Variants in TMEM108 observed in about 807,000 individuals in gnomAD.
The protein encoded by TMEM108 is cancer/testis antigen 124.
In TMEM108, 12 loss-of-function variants were observed where a neutral mutation model predicts 35.1. The ratio of observed to expected loss-of-function variants is 0.34; its 90% CI spans 0.22 to 0.55. The LOEUF is 0.55. Among genes scored for constraint, TMEM108 ranks in the 20% least tolerant of loss-of-function variants. The pLI, the probability that TMEM108 is intolerant of heterozygous loss-of-function variation, is 0.89. For missense variants in TMEM108, 680 were observed against 753.3 expected, an observed-to-expected ratio of 0.90 and a Z score of 1.14; for synonymous variants, 287 against 308.6, an observed-to-expected ratio of 0.93 and a Z score of 0.73.
chr3:133,168,597 A>G (rs1400603358), intron 2 of TMEM108, among the ~76,000 whole-genome samples: 1 of 152,188 alleles, frequency 6.6e-6, no homozygotes, highest in Non-Finnish European at 1.5e-5. Context: ...AAACGGACCA[A>G]TCAGCACTCT....
At chr3:133,169,790 G>A (rs1242387240) in intron 2 of TMEM108, among the ~76,000 whole-genome samples, 1 of 152,090 alleles carries the variant, frequency 6.6e-6, no homozygotes, top group Non-Finnish European at 1.5e-5. Flanking sequence ...GGCTCTGTGG[G>A]ACTTAGAAAA....
intron 3 of TMEM108, among the ~76,000 whole-genome samples, chr3:133,249,679 A>G (rs879430246): frequency 6.6e-6 from 1 of 152,194 alleles, no homozygotes; most frequent in Non-Finnish European, 1.5e-5. Flanking sequence ...CATGGTGTAC[A>G]TGTACCACGT....
At chr3:133,137,528 C>G (rs1944581930) in intron 2 of TMEM108, among the ~76,000 whole-genome samples, 1 of 152,188 alleles carries the variant, frequency 6.6e-6, no homozygotes, top group Non-Finnish European at 1.5e-5. Context: ...GGGGCTCACT[C>G]CACGGTGCAG....
intron 2 of TMEM108, among the ~76,000 whole-genome samples, chr3:133,192,241 C>T (rs1051653153): frequency 7.9e-5 from 12 of 152,078 alleles, no homozygotes; most frequent in African/African-American, 2.9e-4. Context: ...AAGTCCATTA[C>T]CGAAATATAA....
At chr3:133,173,826 G>C (rs1945167152) in intron 2 of TMEM108, among the ~76,000 whole-genome samples, 1 of 152,168 alleles carries the variant, frequency 6.6e-6, no homozygotes, top group African/African-American at 2.4e-5. Flanking sequence ...ATCTCACTGG[G>C]GAGTGCTGGA....
chr3:133,159,027 G>T (rs1160719568), intron 2 of TMEM108, among the ~76,000 whole-genome samples: 1 of 152,202 alleles, frequency 6.6e-6, no homozygotes, highest in Non-Finnish European at 1.5e-5. Context: ...TGAATGTGAT[G>T]AATCACCCAG....
chr3:133,305,370 G>C lies in TMEM108; in HGVS notation c.41-74382G>C, dbSNP rs867515202. On this transcript the variant is annotated intron_variant, in intron 3 of 5. Coordinates refer to ENST00000321871, the MANE Select transcript of TMEM108 (RefSeq NM_023943.4). ...CACACTCTGGGGACTGTGGTGGGGTGGGGGGAGGGGGGAGGGATAGCATTG... is the reference window on the plus strand; with the variant it reads ...CACACTCTGGGGACTGTGGTGGGGTCGGGGGAGGGGGGAGGGATAGCATTG... Among the ~76,000 whole-genome samples the C allele has an allele frequency of 1.2e-4, 15 of 124,264 alleles. No homozygotes were observed. In the East Asian group the frequency reaches 2.7e-3, roughly 22 times the overall value. The allele number at this position is 124,264 out of a possible 152,430, so 81.5% of individuals were successfully genotyped here.
intron 2 of TMEM108, among the ~76,000 whole-genome samples, chr3:133,222,705 C>T (rs1465580863): frequency 6.6e-6 from 1 of 151,970 alleles, no homozygotes; most frequent in Non-Finnish European, 1.5e-5. Flanking sequence ...TTATACTTTT[C>T]AGCTCCAGAA....
intron 3 of TMEM108, among the ~76,000 whole-genome samples, chr3:133,255,902 T>C (rs1002907941): frequency 2.0e-5 from 3 of 152,140 alleles, no homozygotes; most frequent in Admixed American, 6.5e-5. Flanking sequence ...GGCAGGAGAA[T>C]TGCTTGAACC....
intron 2 of TMEM108, among the ~76,000 whole-genome samples, chr3:133,090,665 A>G (rs1476119921): frequency 1.3e-5 from 2 of 152,228 alleles, no homozygotes; most frequent in African/African-American, 4.8e-5. Flanking sequence ...GCAATCTCCC[A>G]TGCAGTCAGC....
intron 3 of TMEM108, among the ~76,000 whole-genome samples, chr3:133,272,600 G>A (rs1362996855): frequency 3.3e-5 from 5 of 152,066 alleles, no homozygotes; most frequent in African/African-American, 4.8e-5. Flanking sequence ...CCCCCCAAGG[G>A]GCACACATCT....
chr3:133,045,055 C>T (rs764623655), intron 1 of TMEM108, among the ~76,000 whole-genome samples: 1 of 151,586 alleles, frequency 6.6e-6, no homozygotes, highest in Non-Finnish European at 1.5e-5. Context: ...GCAAGCTCCG[C>T]CTTCTGGGTT....
intron 3 of TMEM108, among the ~76,000 whole-genome samples, chr3:133,307,564 A>C (rs2107708410): frequency 6.6e-6 from 1 of 152,200 alleles, no homozygotes; most frequent in African/African-American, 2.4e-5. Context: ...TGTAAGGAAA[A>C]GATCCAGTTT....
intron 2 of TMEM108, among the ~76,000 whole-genome samples, chr3:133,083,731 T>C (rs1943844815): frequency 6.6e-6 from 1 of 152,172 alleles, no homozygotes; most frequent in Admixed American, 6.5e-5. Context: ...AATAAAGGAA[T>C]ACATAATTTT....
chr3:133,267,574 AT>A (rs371199569), intron 3 of TMEM108, among the ~76,000 whole-genome samples: 8 of 152,238 alleles, frequency 5.3e-5, no homozygotes, highest in African/African-American at 1.7e-4. Flanking sequence ...GTTTAAAACA[AT>A]AAAAAATTAT....
intron 2 of TMEM108, among the ~76,000 whole-genome samples, chr3:133,079,402 T>C (rs549148729): frequency 6.6e-6 from 1 of 152,308 alleles, no homozygotes; most frequent in South Asian, 2.1e-4. Context: ...CTAGGTGGCT[T>C]GTAAACAACA....
intron 2 of TMEM108, among the ~76,000 whole-genome samples, chr3:133,136,305 A>C (rs552630925): frequency 2.0e-4 from 31 of 152,322 alleles, no homozygotes; most frequent in African/African-American, 7.2e-4. Flanking sequence ...AGATTGTCTA[A>C]GAGCATCTGT....
intron 3 of TMEM108, among the ~76,000 whole-genome samples, chr3:133,230,161 G>A (rs1336605644): frequency 6.6e-6 from 1 of 152,218 alleles, no homozygotes. Flanking sequence ...GGTAAATGAA[G>A]TACCTATCTT....
At chr3:133,162,879 T>C (rs1235112658) in intron 2 of TMEM108, among the ~76,000 whole-genome samples, 1 of 152,254 alleles carries the variant, frequency 6.6e-6, no homozygotes, top group South Asian at 2.1e-4. Flanking sequence ...CCCAGCTGCA[T>C]TCTGTTTGTT....
Sources: gnomAD v4.1 joint callset for allele counts (sites outside exome capture counted in the v4.1 genomes callset) on GRCh38, gnomAD v4.1.1 for gene constraint, MANE v1.5 for transcripts, NCBI Gene and HGNC (gene_info 2026-07-23, HGNC 2026-07-21) for gene names.